Variants in DCC observed in about 807,000 individuals in gnomAD.
The protein encoded by DCC is netrin receptor DCC.
DCC carries 58 observed loss-of-function variants against 172.5 expected under a neutral mutation model. The ratio of observed to expected loss-of-function variants is 0.34; its 90% CI spans 0.27 to 0.42. DCC has a LOEUF of 0.42. Among genes scored for constraint, DCC ranks in the 10% least tolerant of loss-of-function variants. The pLI is 1.00. For synonymous variants in DCC, 709 were observed against 644.5 expected (o/e 1.10, Z -1.52); for missense variants, 1,740 against 1,791.0 (o/e 0.97, Z 0.51).
rs932269597 is a variant in DCC at position 53,086,403 on chromosome 18, TTTCTTC to T, written c.1261+20256_1261+20261del. Among the ~76,000 whole-genome samples, 3 of 32,356 alleles carry T rather than the reference TTTCTTC, an allele frequency of 9.3e-5. 1 individual carries two copies. Among genetic ancestry groups the T allele is most frequent in the Admixed American group, 2.0e-4 (1 of 4,968 alleles). The allele number at this position is 32,356 out of a possible 152,430, so 21.2% of individuals were successfully genotyped here. A position where few individuals can be genotyped will look rare whatever the true frequency, so the allele number is the denominator to read the frequency against. On this transcript the variant is annotated intron_variant, in intron 7 of 28. Coordinates refer to ENST00000442544, the MANE Select transcript of DCC (RefSeq NM_005215.4). ...CCTTTCTTCTTCTTCTTCTTCTTCC[TTTCTTC>T]TTCTTCTTCTTCTTCTTCCTTTCTT... is the stretch of plus-strand genomic sequence containing the variant.
intron 1 of DCC, among the ~76,000 whole-genome samples, chr18:52,453,352 T>A (rs556056036): frequency 2.8e-4 from 43 of 152,294 alleles, no homozygotes; most frequent in African/African-American, 9.4e-4. Context: ...ACATAATTGA[T>A]ATGTGGATGT....
At chr18:52,740,278 G>A (rs2036799147) in intron 1 of DCC, among the ~76,000 whole-genome samples, 1 of 152,146 alleles carries the variant, frequency 6.6e-6, no homozygotes, top group Admixed American at 6.5e-5. Flanking sequence ...GACCTCGTGA[G>A]CAGTTTAAAA....
intron 1 of DCC, among the ~76,000 whole-genome samples, chr18:52,477,835 C>T (rs558892096): frequency 1.8e-4 from 28 of 152,178 alleles, no homozygotes; most frequent in African/African-American, 6.5e-4. Context: ...CCCAATAAAC[C>T]CTAACTTTTT....
In DCC at chr18:53,315,954, A is replaced by C. The variant is rs552594494; in HGVS notation, c.2054-6093A>C. Among the ~76,000 whole-genome samples the C allele has an allele frequency of 4.6e-5, 7 of 152,272 alleles. No individual in the cohort carries two copies. In the South Asian group the frequency reaches 1.5e-3, roughly 32 times the overall value. ...CTGATAATACTTTCTTTTGCTGTGC[A>C]GAAGCTCTTTAGTTTAATTAGCTCC... On this transcript the variant is annotated intron_variant, in intron 13 of 28. Transcript: ENST00000442544.
Position 53,336,492 on chromosome 18 carries a change from T to C in DCC, c.2165-3221T>C, listed in dbSNP as rs376206762. 5.3e-5 allele frequency among the ~76,000 whole-genome samples: 8 copies of C among 152,312 alleles called. No homozygotes were observed. The East Asian group carries it at 1.2e-3, about 22-fold the overall frequency. ...TGATGATGAGGCCATATATTATGAATGGCTTAGGTCTAATACTACCTTGAA... is the reference window on the plus strand; with the variant it reads ...TGATGATGAGGCCATATATTATGAACGGCTTAGGTCTAATACTACCTTGAA... On this transcript the variant is annotated intron_variant, in intron 14 of 28. Transcript: ENST00000442544.
chr18:53,022,173 C>T (rs747216928), intron 5 of DCC, among the ~76,000 whole-genome samples: 1 of 151,870 alleles, frequency 6.6e-6, no homozygotes, highest in Non-Finnish European at 1.5e-5. Context: ...ATTAAATATT[C>T]AGGATTTAGC....
At chr18:52,763,516 G>C (rs778944986) in intron 2 of DCC, among the ~76,000 whole-genome samples, 1 of 152,198 alleles carries the variant, frequency 6.6e-6, no homozygotes, top group Non-Finnish European at 1.5e-5. Flanking sequence ...TCCCAGCCCA[G>C]GAGTGGCCAG....
intron 12 of DCC, among the ~76,000 whole-genome samples, chr18:53,273,200 T>C (rs1208796091): frequency 6.6e-6 from 1 of 152,168 alleles, no homozygotes; most frequent in South Asian, 2.1e-4. Context: ...TTTACTCCCA[T>C]GGAGCCTGAA....
chr18:53,402,757 C>G (rs746739381), intron 18 of DCC, 29 bp from the exon 19 acceptor site: 1 of 1,450,218 alleles, frequency 6.9e-7, no homozygotes, highest in Admixed American at 1.7e-5. Flanking sequence ...CATCCAATGA[C>G]AAGGCCTTAT....
intron 1 of DCC, among the ~76,000 whole-genome samples, chr18:52,376,481 C>CTG (rs1568139528): frequency 7.4e-6 from 1 of 135,278 alleles, no homozygotes; most frequent in African/African-American, 2.9e-5. Context: ...TAGTATATTT[C>CTG]TATGTGTGTG....
In DCC at chr18:52,601,396, C is replaced by A. The variant is rs533313657; in HGVS notation, c.92-150658C>A. ...AAGTGGTTATAGATTTTCTTGCTTA[C>A]CTGCCTTTGTAAACATCTAATCTCC... On this transcript the variant is annotated intron_variant, in intron 1 of 28. Coordinates refer to ENST00000442544, the MANE Select transcript of DCC (RefSeq NM_005215.4). Among the ~76,000 whole-genome samples, 15 of 151,924 alleles carry A rather than the reference C, an allele frequency of 9.9e-5. 1 individual carries two copies. The highest frequency in any genetic ancestry group is 3.1e-4 in the African/African-American group (13 of 41,454).
At chr18:52,889,367 A>G (rs1048749932) in intron 2 of DCC, among the ~76,000 whole-genome samples, 1 of 152,120 alleles carries the variant, frequency 6.6e-6, no homozygotes, top group African/African-American at 2.4e-5. Context: ...GAAGTAACGA[A>G]TGAAATATCA....
intron 7 of DCC, among the ~76,000 whole-genome samples, chr18:53,071,773 T>G (rs1328138060): frequency 6.6e-6 from 1 of 152,212 alleles, no homozygotes; most frequent in South Asian, 2.1e-4. Context: ...CCTTTCTAAA[T>G]AAGACATTAT....
At chr18:53,355,132 A>G (rs2057863193) in intron 15 of DCC, among the ~76,000 whole-genome samples, 1 of 152,042 alleles carries the variant, frequency 6.6e-6, no homozygotes, top group African/African-American at 2.4e-5. Flanking sequence ...CCATTGATCT[A>G]TATCTCTGTT....
intron 7 of DCC, among the ~76,000 whole-genome samples, chr18:53,141,082 C>T (rs1395048884): frequency 6.6e-6 from 1 of 152,078 alleles, no homozygotes; most frequent in East Asian, 1.9e-4. Flanking sequence ...GTTTATAAAG[C>T]ATGAATCCTG....
chr18:52,492,397 T>G (rs936557465), intron 1 of DCC, among the ~76,000 whole-genome samples: 1 of 151,806 alleles, frequency 6.6e-6, no homozygotes, highest in African/African-American at 2.4e-5. Flanking sequence ...GATGGAGAGA[T>G]AAGATCACTA....
At chr18:52,546,006 G>T (rs1258500432) in intron 1 of DCC, among the ~76,000 whole-genome samples, 1 of 152,136 alleles carries the variant, frequency 6.6e-6, no homozygotes, top group Non-Finnish European at 1.5e-5. Flanking sequence ...AATACACATT[G>T]CTTACTTAGC....
chr18:53,344,562 T>C (rs1346165630), intron 15 of DCC, among the ~76,000 whole-genome samples: 3 of 149,152 alleles, frequency 2.0e-5, no homozygotes, highest in Non-Finnish European at 3.0e-5. Context: ...CTGCCTCAGC[T>C]TCCCAAGTAG....
At chr18:53,311,763 C>T (rs1294252468) in intron 13 of DCC, among the ~76,000 whole-genome samples, 1 of 152,104 alleles carries the variant, frequency 6.6e-6, no homozygotes, top group East Asian at 1.9e-4. Context: ...TTATGTATCC[C>T]CATTTTATGG....
Sources: allele counts gnomAD v4.1 joint callset (sites outside exome capture counted in the v4.1 genomes callset), GRCh38; gene constraint gnomAD v4.1.1; transcripts MANE v1.5; gene names NCBI Gene and HGNC (gene_info 2026-07-23, HGNC 2026-07-21).